MPRIP: variants seen among roughly 807,000 people sequenced by gnomAD.
MPRIP encodes the protein myosin phosphatase Rho-interacting protein.
MPRIP carries 59 observed loss-of-function variants against 234.9 expected under a neutral mutation model. The ratio of observed to expected loss-of-function variants is 0.25; its 90% CI spans 0.20 to 0.31. The LOEUF (loss-of-function observed/expected upper bound fraction) is 0.31. Ranked by LOEUF, MPRIP falls within the 10% of genes least tolerant of loss-of-function variation. The probability of loss-of-function intolerance (pLI) is 1.00; values close to 1 mark genes in which losing one functional copy is unlikely to be tolerated. For synonymous variants in MPRIP, 1,144 were observed against 1,263.9 expected (o/e 0.91, Z 2.01); for missense variants, 2,436 against 3,071.0 (o/e 0.79, Z 4.89).
At chr17:17,070,718 T>G (rs2089172207) in intron 1 of MPRIP, among the ~76,000 whole-genome samples, 1 of 152,274 alleles carries the variant, frequency 6.6e-6, no homozygotes, top group South Asian at 2.1e-4. Flanking sequence ...GTGGGATAAT[T>G]CTAGCATGGC....
chr17:17,139,796 C>T (rs2090776004), intron 7 of MPRIP, among the ~76,000 whole-genome samples: 1 of 152,222 alleles, frequency 6.6e-6, no homozygotes, highest in Non-Finnish European at 1.5e-5. Context: ...GAAAATGACA[C>T]GTTGACTTCC....
chr17:17,055,884 G>C (rs2088680482), intron 1 of MPRIP, among the ~76,000 whole-genome samples: 1 of 152,210 alleles, frequency 6.6e-6, no homozygotes, highest in Admixed American at 6.5e-5. Context: ...CCATGTGCCA[G>C]GCCACTATTA....
At chr17:17,121,976 T>C (rs1407087068) in intron 3 of MPRIP, among the ~76,000 whole-genome samples, 1 of 152,250 alleles carries the variant, frequency 6.6e-6, no homozygotes, top group Non-Finnish European at 1.5e-5. Flanking sequence ...TCCATGTCCC[T>C]GCAAAGGGTA....
At chr17:17,110,191 C>G (rs1226983658) in intron 3 of MPRIP, among the ~76,000 whole-genome samples, 1 of 152,118 alleles carries the variant, frequency 6.6e-6, no homozygotes, top group African/African-American at 2.4e-5. Context: ...ACCATGTGAT[C>G]TCTGCACACA....
chr17:17,166,926 C>G lies in MPRIP; in HGVS notation c.5335C>G (p.Gln1779Glu), dbSNP rs1207331845. The change falls in exon 16 of 24, where the codon CAG (glutamine) becomes GAG (glutamate). Residue 1779 changes from glutamine to glutamate, a missense_variant. Gln to Glu is a conservative substitution (Grantham distance 29, BLOSUM62 2). Transcript: ENST00000651222. The surrounding 1 kb of genome is among the most constrained non-coding windows in gnomAD (Gnocchi z 4.4). The stretch of plus-strand genomic sequence containing the variant: ...GAGCCCTGGGGCCTTTGTTGCTATT[C>G]AGGAGGAGCTTGCCCAGCAGCTGAA... ...DQSPGAFVAI[Q>E]EELAQQLKEK... 4 of 1,304,054 alleles carry G rather than the reference C, an allele frequency of 3.1e-6. No homozygotes were observed. The Admixed American group carries it at 9.2e-5, about 30-fold the overall frequency. The allele number at this position is 1,304,054 out of a possible 1,614,324, so 80.8% of individuals were successfully genotyped here.
chr17:17,137,060 C>T (rs912532347), intron 6 of MPRIP, among the ~76,000 whole-genome samples: 7 of 152,190 alleles, frequency 4.6e-5, no homozygotes, highest in African/African-American at 1.7e-4. Context: ...AATAAGTGAG[C>T]AGCAGGGGCC....
At chr17:17,105,871 T>A (rs1391928224) in intron 3 of MPRIP, among the ~76,000 whole-genome samples, 1 of 152,210 alleles carries the variant, frequency 6.6e-6, no homozygotes, top group African/African-American at 2.4e-5. Context: ...AAGGTTTTGA[T>A]CTTTAAAATA....
At chr17:17,088,439 TTAAG>T (rs1258475669) in intron 3 of MPRIP, among the ~76,000 whole-genome samples, 1 of 152,224 alleles carries the variant, frequency 6.6e-6, no homozygotes, top group Non-Finnish European at 1.5e-5. Flanking sequence ...AGGAAACTAA[TTAAG>T]TAAGAGCGGG....
chr17:17,175,418 A>G lies in MPRIP; in HGVS notation c.6870+6A>G. On this transcript the variant is annotated splice_donor_region_variant and intron_variant, in intron 20 of 23. Transcript: ENST00000651222. The stretch of plus-strand genomic sequence containing the variant: ...AGGATGCCTATGAACTAGAGGTACC[A>G]TCAGGAGCCAGGCCCTGCCTGACTC... 4 of 1,602,410 alleles carry G rather than the reference A, an allele frequency of 2.5e-6. No homozygotes were observed. Among genetic ancestry groups the G allele is most frequent in the Admixed American group, 3.4e-5 (2 of 58,336 alleles).
At chr17:17,094,521 G>A (rs1277422052) in intron 3 of MPRIP, among the ~76,000 whole-genome samples, 10 of 152,050 alleles carry the variant, frequency 6.6e-5, no homozygotes, top group African/African-American at 2.2e-4. Flanking sequence ...GTATATTTCA[G>A]TGTGGGAAGT....
chr17:17,137,399 A>G (rs1269879283), intron 6 of MPRIP, among the ~76,000 whole-genome samples: 1 of 152,020 alleles, frequency 6.6e-6, no homozygotes, highest in Non-Finnish European at 1.5e-5. Context: ...CTGTAGTCCT[A>G]GCTACTTGGG....
In MPRIP at chr17:17,100,075, G is replaced by C. The variant is rs76667500; in HGVS notation, c.267+21999G>C. ...GAGGCCCACCTTTTGGAGGTCCTTT[G>C]GTGGCTCTGACCAGGCTCCACCCTG... On this transcript the variant is annotated intron_variant, in intron 3 of 23. Coordinates refer to ENST00000651222, the MANE Select transcript of MPRIP (RefSeq NM_001364716.4). Among the ~76,000 whole-genome samples, 962 of 152,246 alleles carry C rather than the reference G, an allele frequency of 6.3e-3. 5 individuals carry two copies. The highest frequency in any genetic ancestry group is 0.021 in the African/African-American group (889 of 41,530).
At chr17:17,168,991 A>G in intron 16 of MPRIP, 2 of 456,970 alleles carry the variant, frequency 4.4e-6, no homozygotes, top group South Asian at 1.5e-5. Flanking sequence ...AGCAGCTCAC[A>G]TGTCACCTCT....
chr17:17,147,257 G>A, intron 10 of MPRIP, 62 bp from the exon 11 acceptor site: 1 of 1,519,332 alleles, frequency 6.6e-7, no homozygotes, highest in Middle Eastern at 1.7e-4. Flanking sequence ...CACCGCCGTG[G>A]CGTGGCAGGC....
At chr17:17,063,250 A>G (rs983930431) in intron 1 of MPRIP, among the ~76,000 whole-genome samples, 1 of 152,190 alleles carries the variant, frequency 6.6e-6, no homozygotes, top group Non-Finnish European at 1.5e-5. Flanking sequence ...GGGGGTGACT[A>G]ATAAGTGTAC....
At chr17:17,076,306 GA>G (rs2089326262) in intron 2 of MPRIP, 1 of 152,482 alleles carries the variant, frequency 6.6e-6, no homozygotes, top group African/African-American at 2.4e-5. Context: ...TCTCTGCCAG[GA>G]AGCCCCTCTG....
At chr17:17,106,589 G>A (rs868269854) in intron 3 of MPRIP, among the ~76,000 whole-genome samples, 25 of 152,310 alleles carry the variant, frequency 1.6e-4, no homozygotes, top group Middle Eastern at 3.4e-3. Flanking sequence ...GAGTCCCTCA[G>A]TGGCTTTGAC....
At chr17:17,168,747 G>A (rs1426630826) in intron 16 of MPRIP, 1 of 414,366 alleles carries the variant, frequency 2.4e-6, no homozygotes, top group African/African-American at 2.0e-5. Flanking sequence ...CTTCCACTCA[G>A]GAAGCTGCCC....
intron 3 of MPRIP, among the ~76,000 whole-genome samples, chr17:17,124,970 G>T (rs1464955301): frequency 3.3e-5 from 5 of 152,164 alleles, no homozygotes; most frequent in Non-Finnish European, 7.4e-5. Context: ...CTCAGTGTGG[G>T]TCTCCCCAAC....
Sources: gnomAD v4.1 joint callset for allele counts (sites outside exome capture counted in the v4.1 genomes callset) on GRCh38, gnomAD v4.1.1 for gene constraint, Gnocchi (gnomAD v3.1) non-coding constraint, MANE v1.5 for transcripts, NCBI Gene and HGNC (gene_info 2026-07-23, HGNC 2026-07-21) for gene names.